DESI2: variants seen among roughly 807,000 people sequenced by gnomAD.
DESI2 encodes desumoylating isopeptidase 2.
DESI2 carries 10 observed loss-of-function variants against 24.1 expected under a neutral mutation model. The ratio of observed to expected loss-of-function variants is 0.41; its 90% CI spans 0.26 to 0.70. The LOEUF (loss-of-function observed/expected upper bound fraction) is 0.70, where lower values mean the gene tolerates loss of function less well. Ranked by LOEUF, DESI2 falls within the 30% of genes least tolerant of loss-of-function variation. The pLI is 0.29. For missense variants in DESI2, 122 were observed against 234.9 expected (o/e 0.52, Z 3.14); for synonymous variants, 71 against 87.7 (o/e 0.81, Z 1.06).
chr1:244,689,389 C>A lies in DESI2; in HGVS notation c.209+47C>A. On this transcript the variant is annotated intron_variant, in intron 3 of 4. Coordinates refer to ENST00000302550, the MANE Select transcript of DESI2 (RefSeq NM_016076.5). The surrounding 1 kb of genome is among the most constrained non-coding windows in gnomAD (Gnocchi z 4.0). ...TATTACACTGTCTTAGGTGCCATAG[C>A]TTGTTTTCAGGTATACAGAATTCAT... 2 of 905,648 alleles carry A rather than the reference C, an allele frequency of 2.2e-6. No individual in the cohort carries two copies. Among genetic ancestry groups the A allele is most frequent in the Non-Finnish European group, 3.6e-6 (2 of 550,938 alleles). The allele number at this position is 905,648 out of a possible 1,614,324, so 56.1% of individuals were successfully genotyped here. A position where few individuals can be genotyped will look rare whatever the true frequency, so the allele number is the denominator to read the frequency against.
At position 244,689,630 on chromosome 1, in the gene DESI2, C is replaced by T. The variant is rs1035269112; in HGVS notation, c.209+288C>T. ...GTTCAAGCGATTCTCCTGCCTCAGG[C>T]TCCCAAGTAGCTGGGATTACAGGCG... On this transcript the variant is annotated intron_variant, in intron 3 of 4. Transcript: ENST00000302550. The surrounding 1 kb of genome is among the most constrained non-coding windows in gnomAD (Gnocchi z 4.0). Among the ~76,000 whole-genome samples the T allele has an allele frequency of 1.3e-5, 2 of 152,110 alleles. No homozygotes were observed. Among genetic ancestry groups the T allele is most frequent in the Admixed American group, 1.3e-4 (2 of 15,266 alleles).
chr1:244,698,149 A>T (rs967988647), intron 4 of DESI2, among the ~76,000 whole-genome samples: 1 of 152,220 alleles, frequency 6.6e-6, no homozygotes, highest in African/African-American at 2.4e-5. Flanking sequence ...TTATGCTTGT[A>T]ATGTCGCAGA....
intron 1 of DESI2, among the ~76,000 whole-genome samples, chr1:244,662,991 G>T (rs1476119620): frequency 6.6e-6 from 1 of 151,546 alleles, no homozygotes; most frequent in African/African-American, 2.4e-5. Context: ...CTGGGATTAG[G>T]ATAGATTCCA....
chr1:244,674,666 C>A (rs1676355621), intron 1 of DESI2, among the ~76,000 whole-genome samples: 1 of 152,150 alleles, frequency 6.6e-6, no homozygotes, highest in African/African-American at 2.4e-5. Context: ...AAGGTTCATT[C>A]CTGTGGTAGC....
In DESI2 at chr1:244,706,198, A is replaced by G. The variant is rs372733885; in HGVS notation, c.*409A>G. The stretch of plus-strand genomic sequence containing the variant: ...GACAATTGCCAGATCTATGGCATAA[A>G]TAGGCACACAAAAAGGTACTTAAAC... On this transcript the variant is annotated 3_prime_UTR_variant, in exon 5 of 5. Transcript: ENST00000302550. The G allele has an allele frequency of 1.1e-4, 21 of 183,216 alleles. No individual in the cohort carries two copies. Among genetic ancestry groups the G allele is most frequent in the Non-Finnish European group, 1.9e-4 (16 of 86,106 alleles). The allele number at this position is 183,216 out of a possible 1,614,324, so 11.3% of individuals were successfully genotyped here.
chr1:244,661,313 TTATC>T lies in DESI2; in HGVS notation c.42+7962_42+7965del, dbSNP rs201293780. 1.1e-3 allele frequency among the ~76,000 whole-genome samples: 167 copies of T among 152,316 alleles called. 3 individuals carry two copies. The highest frequency in any genetic ancestry group is 6.8e-3 in the Middle Eastern group (2 of 294). The stretch of plus-strand genomic sequence containing the variant: ...TTTCACTTAGCATAGTCCTCAGGGT[TTATC>T]TATGTTGCAGCATGTATCAGAATTT... On this transcript the variant is annotated intron_variant, in intron 1 of 4. Transcript: ENST00000302550.
chr1:244,653,744 C>T, intron 1 of DESI2: 2 of 343,218 alleles, frequency 5.8e-6, no homozygotes, highest in East Asian at 8.5e-5. Flanking sequence ...CGACCGCCTG[C>T]GCTCCCAGCT....
At chr1:244,688,644 G>A (rs1676904311) in intron 2 of DESI2, among the ~76,000 whole-genome samples, 1 of 152,166 alleles carries the variant, frequency 6.6e-6, no homozygotes, top group African/African-American at 2.4e-5. Flanking sequence ...TGTATTGGAT[G>A]TACAGTCAAA....
In DESI2 at chr1:244,708,743, G is replaced by A. The variant is rs930060033; in HGVS notation, c.*2954G>A. On this transcript the variant is annotated 3_prime_UTR_variant, in exon 5 of 5. Coordinates refer to ENST00000302550, the MANE Select transcript of DESI2 (RefSeq NM_016076.5). Reference sequence around the variant, plus strand: ...TCAGCAAGCTAGCCATACAACCATTGTATCTCTTTCTCTTCAGTATGGTTT... The same window carrying A: ...TCAGCAAGCTAGCCATACAACCATTATATCTCTTTCTCTTCAGTATGGTTT... 16 of 152,556 alleles carry A rather than the reference G, an allele frequency of 1.0e-4. No homozygotes were observed. Among genetic ancestry groups the A allele is most frequent in the African/African-American group, 3.9e-4 (16 of 41,414 alleles). The allele number at this position is 152,556 out of a possible 1,614,324, so 9.5% of individuals were successfully genotyped here.
At chr1:244,700,206 T>C (rs1229143595) in intron 4 of DESI2, among the ~76,000 whole-genome samples, 1 of 152,180 alleles carries the variant, frequency 6.6e-6, no homozygotes, top group Non-Finnish European at 1.5e-5. Flanking sequence ...ATGAGTCCTC[T>C]AAAATCATCA....
In DESI2 at chr1:244,701,207, TCCCCTCCACCCCCCCC is replaced by T. The variant is rs1457950155; in HGVS notation, c.352-4344_352-4329del. On this transcript the variant is annotated intron_variant, in intron 4 of 4. Transcript: ENST00000302550. ...AGCCAAGGGCATGACTGGACCACCT[TCCCCTCCACCCCCCCC>T]CCCCCCCCCCCGCCCTTTTAACTGC... 2.5e-4 allele frequency among the ~76,000 whole-genome samples: 10 copies of T among 39,630 alleles called. 1 individual carries two copies. The South Asian group carries it at 2.8e-3, about 11-fold the overall frequency. The allele number at this position is 39,630 out of a possible 152,430, so 26.0% of individuals were successfully genotyped here.
intron 1 of DESI2, among the ~76,000 whole-genome samples, chr1:244,659,183 T>A (rs1199778477): frequency 6.6e-6 from 1 of 151,240 alleles, no homozygotes; most frequent in East Asian, 2.0e-4. Flanking sequence ...TCCTCTTTTC[T>A]TTTTTAGGGG....
intron 1 of DESI2, among the ~76,000 whole-genome samples, chr1:244,686,326 A>C (rs199579934): frequency 6.6e-6 from 1 of 150,700 alleles, no homozygotes; most frequent in African/African-American, 2.4e-5. Flanking sequence ...CTCTCCCCCC[A>C]CCGCCCCACA....
At chr1:244,663,923 C>G (rs1416217416) in intron 1 of DESI2, among the ~76,000 whole-genome samples, 2 of 147,186 alleles carry the variant, frequency 1.4e-5, no homozygotes, top group Admixed American at 7.1e-5. Context: ...GAGGCTGAGG[C>G]AGGAGAATGG....
intron 1 of DESI2, chr1:244,654,000 C>CCTAG (rs1347760294): frequency 2.1e-6 from 1 of 471,122 alleles, no homozygotes; most frequent in Non-Finnish European, 4.4e-6. Context: ...GTGCTCCTTT[C>CCTAG]CTACACTCTG....
chr1:244,665,883 G>A (rs1676026557), intron 1 of DESI2, among the ~76,000 whole-genome samples: 1 of 152,062 alleles, frequency 6.6e-6, no homozygotes, highest in Non-Finnish European at 1.5e-5. Flanking sequence ...CTTCATCTGG[G>A]CTATTCTGCA....
chr1:244,706,007 C>T lies in DESI2; in HGVS notation c.*218C>T. 1 of 539,288 alleles carries T rather than the reference C, an allele frequency of 1.9e-6. No homozygotes were observed. Among genetic ancestry groups the T allele is most frequent in the African/African-American group, 1.9e-5 (1 of 52,396 alleles). The allele number at this position is 539,288 out of a possible 1,614,324, so 33.4% of individuals were successfully genotyped here. ...GAAGCTGCCCTCTGTTTTTTTTATC[C>T]ACTCGTAAATCTGGATTTATTTCTT... On this transcript the variant is annotated 3_prime_UTR_variant, in exon 5 of 5. Coordinates refer to ENST00000302550, the MANE Select transcript of DESI2 (RefSeq NM_016076.5).
chr1:244,673,435 A>T (rs1243274029), intron 1 of DESI2, among the ~76,000 whole-genome samples: 1 of 152,272 alleles, frequency 6.6e-6, no homozygotes, highest in African/African-American at 2.4e-5. Context: ...CAAAATACAT[A>T]TTTAGAATTG....
At chr1:244,666,145 CT>C (rs538696124) in intron 1 of DESI2, among the ~76,000 whole-genome samples, 1,957 of 152,244 alleles carry the variant, frequency 0.013, 16 homozygotes, top group Non-Finnish European at 0.022. Context: ...CCATTCCCTA[CT>C]CTCAGCTTAT....
Sources: allele counts gnomAD v4.1 joint callset (sites outside exome capture counted in the v4.1 genomes callset), GRCh38; gene constraint gnomAD v4.1.1; non-coding constraint Gnocchi (gnomAD v3.1); transcripts MANE v1.5; gene names NCBI Gene and HGNC (gene_info 2026-07-23, HGNC 2026-07-21).